Variants in PDE4D observed in about 807,000 individuals in gnomAD.
PDE4D encodes the protein phosphodiesterase 4D.
In PDE4D, 24 loss-of-function variants were observed where a neutral mutation model predicts 87.4. That is an observed-to-expected ratio of 0.27 (90% CI 0.20 to 0.39). The LOEUF is 0.39. PDE4D is among the 10% of genes least tolerant of loss of function. The probability of loss-of-function intolerance (pLI) is 1.00; values close to 1 mark genes in which losing one functional copy is unlikely to be tolerated. For synonymous variants in PDE4D, 384 were observed against 383.2 expected (o/e 1.00, Z -0.02); for missense variants, 714 against 1,041.0 (o/e 0.69, Z 4.32).
chr5:59,891,620 T>C (rs1750967887), intron 1 of PDE4D, among the ~76,000 whole-genome samples: 1 of 152,182 alleles, frequency 6.6e-6, no homozygotes, highest in Non-Finnish European at 1.5e-5. Context: ...CAATTCTTAT[T>C]CTTCCCATCC....
chr5:60,423,710 G>A (rs1466612003), intron 1 of PDE4D, among the ~76,000 whole-genome samples: 1 of 150,846 alleles, frequency 6.6e-6, no homozygotes, highest in Non-Finnish European at 1.5e-5. Flanking sequence ...AGAACTGAAG[G>A]AGATAGAGAC....
At chr5:59,191,790 C>T (rs1744378675) in intron 3 of PDE4D, among the ~76,000 whole-genome samples, 3 of 152,048 alleles carry the variant, frequency 2.0e-5, no homozygotes, top group African/African-American at 7.2e-5. Context: ...AGGCTGGTCT[C>T]GAACTCCTGA....
chr5:58,990,753 G>A, intron 9 of PDE4D, 51 bp downstream of exon 9: 2 of 944,580 alleles, frequency 2.1e-6, no homozygotes, highest in South Asian at 1.5e-5. Context: ...GCTACAGACT[G>A]GACATTAAGT....
intron 1 of PDE4D, among the ~76,000 whole-genome samples, chr5:60,336,127 C>T (rs1757734155): frequency 6.6e-6 from 1 of 152,238 alleles, no homozygotes; most frequent in Non-Finnish European, 1.5e-5. Context: ...AACTGTCCTG[C>T]CAAGCTTGCT....
chr5:59,474,096 C>T (rs1802895615), intron 1 of PDE4D, among the ~76,000 whole-genome samples: 1 of 152,060 alleles, frequency 6.6e-6, no homozygotes, highest in Non-Finnish European at 1.5e-5. Flanking sequence ...TAACTAAAAT[C>T]ACGGTGTGTG....
intron 1 of PDE4D, among the ~76,000 whole-genome samples, chr5:59,527,978 CTTTTT>C (rs940192070): frequency 2.8e-4 from 42 of 152,274 alleles, no homozygotes; most frequent in Non-Finnish European, 4.4e-4. Context: ...TCCTCAACTC[CTTTTT>C]TGTTAGTTGA....
chr5:58,987,674 T>C (rs1427741529), intron 11 of PDE4D, among the ~76,000 whole-genome samples: 1 of 152,162 alleles, frequency 6.6e-6, no homozygotes, highest in Non-Finnish European at 1.5e-5. Flanking sequence ...GCATACAACA[T>C]TTTCAACAAC....
chr5:59,720,978 T>C (rs1039148803), intron 1 of PDE4D, among the ~76,000 whole-genome samples: 1 of 152,176 alleles, frequency 6.6e-6, no homozygotes, highest in African/African-American at 2.4e-5. Context: ...GGTTCTCATT[T>C]AGTAGGATGG....
chr5:59,987,496 A>C (rs1762562354), intron 3 of PDE4D: 1 of 152,180 alleles, frequency 6.6e-6, no homozygotes, highest in Non-Finnish European at 1.5e-5. Flanking sequence ...AAACAGCTAA[A>C]TTCAGTATCT....
intron 1 of PDE4D, among the ~76,000 whole-genome samples, chr5:59,452,050 T>C (rs1240863850): frequency 6.6e-6 from 1 of 152,136 alleles, no homozygotes; most frequent in East Asian, 1.9e-4. Flanking sequence ...CTTAAAACAT[T>C]GAGATTTTTT....
At chr5:60,354,452 A>C (rs552193358) in intron 1 of PDE4D, among the ~76,000 whole-genome samples, 3 of 152,314 alleles carry the variant, frequency 2.0e-5, no homozygotes, top group African/African-American at 7.2e-5. Flanking sequence ...AGCAGTCTCC[A>C]TACATAGCAA....
Position 58,974,817 on chromosome 5 carries a change from GTCT to G in PDE4D, c.2274_2276del (p.Glu758del). The G allele has an allele frequency of 6.2e-7, 1 of 1,613,654 alleles. No homozygotes were observed. The highest frequency in any genetic ancestry group is 2.2e-5 in the East Asian group (1 of 44,870). On this transcript the variant is annotated inframe_deletion, in exon 15 of 15. Transcript: ENST00000340635. ...GAGTCTTGGAGTCACTGCAGCTAGT[GTCT>G]TCTTCCACTTGACTGCCACTGTCCT...
intron 1 of PDE4D, among the ~76,000 whole-genome samples, chr5:60,439,932 A>AC (rs200399629): frequency 0.049 from 4,240 of 87,158 alleles, 90 homozygotes; most frequent in South Asian, 0.11. Flanking sequence ...AAAAAACAAA[A>AC]AAAAAAAACC....
chr5:59,778,221 A>T (rs766398133), intron 1 of PDE4D, among the ~76,000 whole-genome samples: 11 of 152,198 alleles, frequency 7.2e-5, no homozygotes, highest in Admixed American at 2.6e-4. Flanking sequence ...TGCGAAGGAC[A>T]CTTACCATCA....
At chr5:59,537,026 A>C (rs1192854057) in intron 1 of PDE4D, among the ~76,000 whole-genome samples, 1 of 152,238 alleles carries the variant, frequency 6.6e-6, no homozygotes, top group Non-Finnish European at 1.5e-5. Flanking sequence ...TTACTAGATG[A>C]TTAAATATAG....
chr5:59,418,342 C>T (rs2153625917), intron 1 of PDE4D, among the ~76,000 whole-genome samples: 1 of 152,318 alleles, frequency 6.6e-6, no homozygotes, highest in East Asian at 1.9e-4. Context: ...ATTCTGACCA[C>T]ACTCAATTTT....
At chr5:60,240,724 A>C (rs112806145) in intron 1 of PDE4D, among the ~76,000 whole-genome samples, 58 of 152,234 alleles carry the variant, frequency 3.8e-4, no homozygotes, top group Non-Finnish European at 6.9e-4. Flanking sequence ...GAAGAGAACA[A>C]TAATCTCTCC....
At chr5:59,305,260 GAAGTT>G (rs1771093773) in intron 1 of PDE4D, among the ~76,000 whole-genome samples, 1 of 152,034 alleles carries the variant, frequency 6.6e-6, no homozygotes, top group Admixed American at 6.6e-5. Context: ...ATTTCTTAGT[GAAGTT>G]ATTTGGATTT....
At chr5:60,106,125 G>T (rs942252170) in intron 2 of PDE4D, among the ~76,000 whole-genome samples, 4 of 151,792 alleles carry the variant, frequency 2.6e-5, no homozygotes, top group African/African-American at 9.7e-5. Flanking sequence ...CTCACGTGCA[G>T]AGACACACAT....
Sources: allele counts gnomAD v4.1 joint callset (sites outside exome capture counted in the v4.1 genomes callset), GRCh38; gene constraint gnomAD v4.1.1; transcripts MANE v1.5; gene names NCBI Gene and HGNC (gene_info 2026-07-23, HGNC 2026-07-21).